The following CAMK1D variants were observed in gnomAD, a reference collection of about 807,000 sequenced individuals.
CAMK1D encodes the protein calcium/calmodulin-dependent protein kinase type 1D.
In CAMK1D, 9 loss-of-function variants were observed where a neutral mutation model predicts 47.7. The ratio of observed to expected loss-of-function variants is 0.19; its 90% CI spans 0.11 to 0.33. The LOEUF (loss-of-function observed/expected upper bound fraction) is 0.33. CAMK1D is among the 10% of genes least tolerant of loss of function. The probability of loss-of-function intolerance (pLI) is 1.00; values close to 1 mark genes in which losing one functional copy is unlikely to be tolerated. For missense variants in CAMK1D, 291 were observed against 488.7 expected, an observed-to-expected ratio of 0.60 and a Z score of 3.81; for synonymous variants, 184 against 184.9, an observed-to-expected ratio of 0.99 and a Z score of 0.04.
At position 12,801,354 on chromosome 10, in the gene CAMK1D, T is replaced by TAATCTATCTATC. The variant is rs57429397; in HGVS notation, c.641+10121_641+10122insAATCTATCTATC. Among the ~76,000 whole-genome samples, 181 of 66,564 alleles carry TAATCTATCTATC rather than the reference T, an allele frequency of 2.7e-3. 4 individuals are homozygous for TAATCTATCTATC. The East Asian group carries it at 0.028, about 10-fold the overall frequency. 43.7% of individuals were successfully genotyped at this position (66,564 alleles called of 152,430 possible). ...CTATCTATCTATCTATCTATCTATC[T>TAATCTATCTATC]TATCTATCTATCTATCTATCTATCT... On this transcript the variant is annotated intron_variant, in intron 6 of 10. Transcript: ENST00000619168.
intron 2 of CAMK1D, among the ~76,000 whole-genome samples, chr10:12,623,568 A>G (rs193268018): frequency 3.6e-4 from 51 of 140,196 alleles, no homozygotes; most frequent in African/African-American, 1.3e-3. Flanking sequence ...TCGGACCACA[A>G]AAACTTTTGT....
At chr10:12,459,131 G>A (rs1338622340) in intron 1 of CAMK1D, among the ~76,000 whole-genome samples, 2 of 151,968 alleles carry the variant, frequency 1.3e-5, no homozygotes, top group Non-Finnish European at 2.9e-5. Context: ...CACCTGCCTC[G>A]TCCTCCCAAA....
intron 2 of CAMK1D, among the ~76,000 whole-genome samples, chr10:12,659,872 A>G (rs1840224952): frequency 6.6e-6 from 1 of 152,170 alleles, no homozygotes; most frequent in Non-Finnish European, 1.5e-5. Flanking sequence ...GGCCTTTCCC[A>G]GACTAGACTG....
intron 1 of CAMK1D, among the ~76,000 whole-genome samples, chr10:12,353,287 C>T (rs542868196): frequency 3.3e-5 from 5 of 152,266 alleles, no homozygotes; most frequent in African/African-American, 1.2e-4. Context: ...CTACTTTCTC[C>T]CTACGTCTTT....
chr10:12,549,400 A>G (rs975511902), intron 1 of CAMK1D, among the ~76,000 whole-genome samples: 1 of 152,176 alleles, frequency 6.6e-6, no homozygotes, highest in Non-Finnish European at 1.5e-5. Flanking sequence ...TTCCATTGCT[A>G]TTTATGGCTA....
intron 1 of CAMK1D, among the ~76,000 whole-genome samples, chr10:12,515,429 T>C (rs532657422): frequency 3.6e-5 from 5 of 140,460 alleles, no homozygotes; most frequent in East Asian, 2.0e-4. Context: ...TTTTTTTTTT[T>C]CATTATACTT....
intron 6 of CAMK1D, among the ~76,000 whole-genome samples, chr10:12,797,144 GA>G (rs1165025952): frequency 6.6e-6 from 1 of 151,834 alleles, no homozygotes; most frequent in East Asian, 1.9e-4. Context: ...ATAGAAGGAT[GA>G]TTCCGCTGAG....
At chr10:12,726,428 A>T (rs114900382) in intron 3 of CAMK1D, among the ~76,000 whole-genome samples, 3,489 of 152,172 alleles carry the variant, frequency 0.023, 78 homozygotes, top group African/African-American at 0.063. Flanking sequence ...CTCAAAAAAT[A>T]AAATAAATAA....
intron 1 of CAMK1D, among the ~76,000 whole-genome samples, chr10:12,374,210 A>G (rs1349336483): frequency 6.8e-6 from 1 of 146,238 alleles, no homozygotes; most frequent in African/African-American, 2.5e-5. Flanking sequence ...CAGTGAGCCA[A>G]GATTGCACCA....
chr10:12,488,927 TTTTA>T (rs1834296921), intron 1 of CAMK1D, among the ~76,000 whole-genome samples: 1 of 152,086 alleles, frequency 6.6e-6, no homozygotes. Flanking sequence ...CTGTGCAGCC[TTTTA>T]TTTATTTATG....
chr10:12,618,830 A>G (rs899962263), intron 2 of CAMK1D, among the ~76,000 whole-genome samples: 1 of 152,246 alleles, frequency 6.6e-6, no homozygotes, highest in African/African-American at 2.4e-5. Flanking sequence ...TCATATACCA[A>G]TCAGTGACAT....
intron 4 of CAMK1D, 121 bp downstream of exon 4, chr10:12,761,207 G>A (rs1245922129): frequency 3.4e-6 from 4 of 1,160,052 alleles, no homozygotes; most frequent in Non-Finnish European, 4.8e-6. Flanking sequence ...GCAGCAGATG[G>A]TGGGCATTTG....
rs539210267 is a variant in CAMK1D at position 12,423,975 on chromosome 10, C to T, written c.92+74065C>T. Among the ~76,000 whole-genome samples the T allele has an allele frequency of 9.2e-5, 14 of 152,292 alleles. No homozygotes were observed. The South Asian group carries it at 2.9e-3, about 32-fold the overall frequency. On this transcript the variant is annotated intron_variant, in intron 1 of 10. Coordinates refer to ENST00000619168, the MANE Select transcript of CAMK1D (RefSeq NM_153498.4). ...AGCTGCGTTGTTCGGTCCCCCCATC[C>T]CTCATCAGGTGATACCCTTCAAGGC...
Position 12,724,113 on chromosome 10 carries a change from C to T in CAMK1D, c.300-36835C>T, listed in dbSNP as rs189596315. ...AAGCAATTCTCGTGCCTCGGCCTCC[C>T]GAGGAGTTGGGATTACAGACGCCGG... On this transcript the variant is annotated intron_variant, in intron 3 of 10. Transcript: ENST00000619168. 1.1e-3 allele frequency among the ~76,000 whole-genome samples: 175 copies of T among 152,232 alleles called. 1 individual carries two copies. In the Middle Eastern group the frequency reaches 0.024, roughly 21 times the overall value.
At chr10:12,373,370 G>T (rs930907977) in intron 1 of CAMK1D, among the ~76,000 whole-genome samples, 1 of 151,798 alleles carries the variant, frequency 6.6e-6, no homozygotes. Flanking sequence ...TGTGGTGCAC[G>T]CCTGTAATCC....
chr10:12,649,842 G>A, intron 2 of CAMK1D, among the ~76,000 whole-genome samples: 1 of 152,164 alleles, frequency 6.6e-6, no homozygotes, highest in Admixed American at 6.5e-5. Context: ...AAACAAAAAT[G>A]TATATCAACT....
Position 12,489,285 on chromosome 10 carries a change from C to G in CAMK1D, c.93-63940C>G, listed in dbSNP as rs573430735. On this transcript the variant is annotated intron_variant, in intron 1 of 10. Transcript: ENST00000619168. ...GCCACAGACTGGTATCGGTTTATGG[C>G]CCGCAGGCTGAGGACCCCTGGTGTC... 3.9e-5 allele frequency among the ~76,000 whole-genome samples: 6 copies of G among 152,234 alleles called. No individual in the cohort carries two copies. In the East Asian group the frequency reaches 1.2e-3, roughly 29 times the overall value.
At chr10:12,381,737 G>A (rs952366157) in intron 1 of CAMK1D, among the ~76,000 whole-genome samples, 2 of 152,122 alleles carry the variant, frequency 1.3e-5, no homozygotes, top group African/African-American at 2.4e-5. Flanking sequence ...GTTCATGTTC[G>A]GAGTCTGGTC....
intron 2 of CAMK1D, among the ~76,000 whole-genome samples, chr10:12,588,223 T>A (rs1027358105): frequency 5.3e-5 from 8 of 152,210 alleles, no homozygotes; most frequent in Non-Finnish European, 8.8e-5. Flanking sequence ...TGCCAGATGT[T>A]TGCAATAGTG....
Sources: allele counts gnomAD v4.1 joint callset (sites outside exome capture counted in the v4.1 genomes callset), GRCh38; gene constraint gnomAD v4.1.1; transcripts MANE v1.5; gene names NCBI Gene and HGNC (gene_info 2026-07-23, HGNC 2026-07-21).